SYNDIG1: variants seen among roughly 807,000 people sequenced by gnomAD.
SYNDIG1 encodes the protein synapse differentiation inducing 1.
A neutral mutation model predicts 19.4 loss-of-function variants in SYNDIG1; 9 were observed. The ratio of observed to expected loss-of-function variants is 0.46; its 90% CI spans 0.28 to 0.81. SYNDIG1 has a LOEUF of 0.81. SYNDIG1 is among the 30% of genes least tolerant of loss of function. The pLI is 0.12. For synonymous variants in SYNDIG1, 141 were observed against 145.9 expected, an observed-to-expected ratio of 0.97 and a Z score of 0.24; for missense variants, 311 against 343.3, an observed-to-expected ratio of 0.91 and a Z score of 0.74.
At chr20:24,514,337 A>G (rs1193874142) in intron 1 of SYNDIG1, among the ~76,000 whole-genome samples, 1 of 152,230 alleles carries the variant, frequency 6.6e-6, no homozygotes, top group Non-Finnish European at 1.5e-5. Flanking sequence ...GGCAAATTGG[A>G]TAAAGGGTCA....
chr20:24,555,704 T>C (rs1449579253), intron 2 of SYNDIG1, among the ~76,000 whole-genome samples: 2 of 152,202 alleles, frequency 1.3e-5, no homozygotes, highest in Non-Finnish European at 2.9e-5. Flanking sequence ...TTACATTTGC[T>C]GAGGAGAGCT....
chr20:24,617,025 C>G (rs911179932), intron 3 of SYNDIG1, among the ~76,000 whole-genome samples: 1 of 152,128 alleles, frequency 6.6e-6, no homozygotes, highest in East Asian at 1.9e-4. Flanking sequence ...TTCCACAGCC[C>G]TCTGCGGCAC....
At chr20:24,560,347 C>T (rs1313001348) in intron 2 of SYNDIG1, among the ~76,000 whole-genome samples, 1 of 152,054 alleles carries the variant, frequency 6.6e-6, no homozygotes, top group Non-Finnish European at 1.5e-5. Flanking sequence ...TATTCCTCCA[C>T]AGATATTTGA....
intron 2 of SYNDIG1, among the ~76,000 whole-genome samples, chr20:24,553,973 CTT>C: frequency 6.6e-6 from 1 of 152,286 alleles, no homozygotes; most frequent in South Asian, 2.1e-4. Flanking sequence ...TTTGTATCCT[CTT>C]TTATTTCATT....
At chr20:24,489,175 T>C (rs6106891) in intron 1 of SYNDIG1, among the ~76,000 whole-genome samples, 4 of 151,802 alleles carry the variant, frequency 2.6e-5, no homozygotes, top group Admixed American at 1.3e-4. Flanking sequence ...CACACACACA[T>C]ACACATGCAC....
At chr20:24,620,904 A>G (rs1309460723) in intron 3 of SYNDIG1, among the ~76,000 whole-genome samples, 3 of 152,242 alleles carry the variant, frequency 2.0e-5, no homozygotes, top group African/African-American at 7.2e-5. Context: ...TTATAAGTTC[A>G]TGGCATTATT....
chr20:24,594,968 T>C (rs2058574076), intron 3 of SYNDIG1, among the ~76,000 whole-genome samples: 1 of 152,192 alleles, frequency 6.6e-6, no homozygotes. Context: ...CCAACAGAGA[T>C]AGTTTGACTT....
chr20:24,584,751 G>C, intron 2 of SYNDIG1, 105 bp from the exon 3 acceptor site: 2 of 1,517,540 alleles, frequency 1.3e-6, no homozygotes, highest in Non-Finnish European at 1.8e-6. Context: ...TGCCTCCCGG[G>C]GAGGGCCTGC....
intron 1 of SYNDIG1, among the ~76,000 whole-genome samples, chr20:24,539,453 A>G (rs113493994): frequency 2.0e-5 from 3 of 152,294 alleles, no homozygotes; most frequent in East Asian, 3.9e-4. Flanking sequence ...CACTTGGTCT[A>G]TATGTGTGTA....
At chr20:24,590,461 G>A (rs571808213) in intron 3 of SYNDIG1, among the ~76,000 whole-genome samples, 9 of 152,278 alleles carry the variant, frequency 5.9e-5, no homozygotes, top group African/African-American at 2.2e-4. Flanking sequence ...ATGCTCCCGG[G>A]AGCCTTCAGA....
At chr20:24,612,263 A>G (rs758204168) in intron 3 of SYNDIG1, among the ~76,000 whole-genome samples, 3 of 152,330 alleles carry the variant, frequency 2.0e-5, no homozygotes, top group Admixed American at 6.5e-5. Context: ...AGATAGGAAC[A>G]GTGTGACCCT....
At chr20:24,552,150 A>T (rs1326299) in intron 2 of SYNDIG1, among the ~76,000 whole-genome samples, 88,237 of 151,932 alleles carry the variant, frequency 0.58, 25,793 homozygotes, top group Admixed American at 0.64. Flanking sequence ...CGTTGTTAAG[A>T]GTGTGTACAT....
chr20:24,530,044 T>TGGTGGTCATGGG (rs2057223526), intron 1 of SYNDIG1, among the ~76,000 whole-genome samples: 1 of 388 alleles, frequency 2.6e-3, no homozygotes, highest in Non-Finnish European at 0.01. Context: ...GTGGTAATGG[T>TGGTGGTCATGGG]GAGGGTGGTG....
chr20:24,474,601 GTT>G (rs2055563298), intron 1 of SYNDIG1, among the ~76,000 whole-genome samples: 1 of 152,184 alleles, frequency 6.6e-6, no homozygotes, highest in Admixed American at 6.5e-5. Flanking sequence ...TTTTTGCTTG[GTT>G]TTTAGTTGTT....
At chr20:24,605,934 A>G (rs1168846885) in intron 3 of SYNDIG1, among the ~76,000 whole-genome samples, 1 of 152,240 alleles carries the variant, frequency 6.6e-6, no homozygotes, top group Non-Finnish European at 1.5e-5. Flanking sequence ...ATTTTTCTTT[A>G]AATGATGTAC....
chr20:24,478,580 C>CTTTGTTTGGGACAATACAT (rs2055701920), intron 1 of SYNDIG1, among the ~76,000 whole-genome samples: 1 of 152,258 alleles, frequency 6.6e-6, no homozygotes, highest in South Asian at 2.1e-4. Context: ...ACCTAGAATA[C>CTTTGTTTGGGACAATACAT]TGTTTGGGAC....
intron 2 of SYNDIG1, among the ~76,000 whole-genome samples, chr20:24,548,545 T>C (rs1403590436): frequency 3.3e-5 from 5 of 152,112 alleles, no homozygotes; most frequent in African/African-American, 7.2e-5. Flanking sequence ...AAAGCATGAA[T>C]GAGACAGAAC....
chr20:24,628,682 C>A (rs1025573560), intron 3 of SYNDIG1, among the ~76,000 whole-genome samples: 2 of 152,224 alleles, frequency 1.3e-5, no homozygotes, highest in East Asian at 3.8e-4. Flanking sequence ...CCAGCAGAAC[C>A]CTTGGGGAGG....
At chr20:24,487,353 G>T (rs912548158) in intron 1 of SYNDIG1, among the ~76,000 whole-genome samples, 2 of 152,108 alleles carry the variant, frequency 1.3e-5, no homozygotes, top group Non-Finnish European at 2.9e-5. Context: ...TATGCTTCTG[G>T]GTTTACTGAG....
Sources: gnomAD v4.1 joint callset for allele counts (sites outside exome capture counted in the v4.1 genomes callset) on GRCh38, gnomAD v4.1.1 for gene constraint, MANE v1.5 for transcripts, NCBI Gene and HGNC (gene_info 2026-07-23, HGNC 2026-07-21) for gene names.